GPC2: variants seen among roughly 807,000 people sequenced by gnomAD.
The protein encoded by GPC2 is glypican 2.
A neutral mutation model predicts 57.3 loss-of-function variants in GPC2; 42 were observed. The observed-to-expected ratio is 0.73, with a 90% CI of 0.57 to 0.95. The LOEUF is 0.95. Among genes scored for constraint, GPC2 ranks in the 40% least tolerant of loss-of-function variants. The probability of loss-of-function intolerance (pLI) is 0.00; values close to 1 mark genes in which losing one functional copy is unlikely to be tolerated. For missense variants in GPC2, 745 were observed against 793.6 expected (o/e 0.94, Z 0.74); for synonymous variants, 364 against 343.4 (o/e 1.06, Z -0.66).
At chr7:100,175,939 G>T in intron 2 of GPC2, 45 bp from the exon 3 acceptor site, 3 of 1,526,216 alleles carry the variant, frequency 2.0e-6, no homozygotes, top group Non-Finnish European at 2.7e-6. Flanking sequence ...TCAGGCCAAA[G>T]AATGGGGAGA....
intron 3 of GPC2, 30 bp downstream of exon 3, chr7:100,175,542 G>A (rs1221404956): frequency 6.4e-7 from 1 of 1,563,498 alleles, no homozygotes; most frequent in South Asian, 1.2e-5. Flanking sequence ...GGTCAGAAGT[G>A]GTTGAAGCTC....
Position 100,173,999 on chromosome 7 carries a change from TG to T in GPC2, c.730-3del. 3 of 1,567,440 alleles carry T rather than the reference TG, an allele frequency of 1.9e-6. No individual in the cohort carries two copies. Among genetic ancestry groups the T allele is most frequent in the East Asian group, 2.4e-5 (1 of 42,044 alleles). On this transcript the variant is annotated splice_polypyrimidine_tract_variant and splice_region_variant and intron_variant, in intron 4 of 9. Transcript: ENST00000292377. ...GCTGCAGCCTTCAGACACCGGCACC[TG>T]GGGGCAGAGAGTGGGGCTGTGTCCT...
chr7:100,172,698 CGT>C (rs1394067773), intron 5 of GPC2, among the ~76,000 whole-genome samples: 4 of 95,858 alleles, frequency 4.2e-5, no homozygotes, highest in African/African-American at 1.1e-4. Flanking sequence ...TATATATATA[CGT>C]GTATATATAT....
rs757952562 is a variant in GPC2, at chr7:100,177,107, A to G, written c.93T>C (p.Ser31=). 1.9e-6 allele frequency: 3 copies of G among 1,612,728 alleles called. No homozygotes were observed. In the African/African-American group the frequency reaches 4.0e-5, roughly 22 times the overall value. ...GPGSEAKVTR[S]CAETRQVLGA... ...CCAGCACCTGCCGGGTCTCTGCACA[A>G]CTCCGGGTGACCTTTGCCTCGCTCC... Residue 31 remains serine (S), a synonymous_variant, in exon 1 of 10, where the codon AGT becomes AGC. Coordinates refer to ENST00000292377, the MANE Select transcript of GPC2 (RefSeq NM_152742.3).
chr7:100,176,148 T>G, intron 2 of GPC2, 59 bp downstream of exon 2: 1 of 1,488,306 alleles, frequency 6.7e-7, no homozygotes. Flanking sequence ...GGAGCCTTGC[T>G]GGGGTCCTAA....
rs546873003 is a variant in GPC2 at position 100,172,790 on chromosome 7, T to TACGTATAC, written c.893-574_893-573insGTATACGT. ...ATATATATATGTGTGTGTATATATA[T>TACGTATAC]ACGTATATATATGTGTGTATATATA... On this transcript the variant is annotated intron_variant, in intron 5 of 9. Transcript: ENST00000292377. Among the ~76,000 whole-genome samples the TACGTATAC allele has an allele frequency of 2.5e-3, 370 of 148,574 alleles. 2 individuals carry two copies. The highest frequency in any genetic ancestry group is 8.8e-3 in the African/African-American group (357 of 40,572).
Position 100,173,992 on chromosome 7 carries a change from C to A in GPC2, c.735G>T (p.Pro245=), listed in dbSNP as rs757947539. ...GAGCCTGGCTGCAGCCTTCAGACACCGGCACCTGGGGGCAGAGAGTGGGGC... is the reference window on the plus strand; with the variant it reads ...GAGCCTGGCTGCAGCCTTCAGACACAGGCACCTGGGGGCAGAGAGTGGGGC... The part of the protein sequence containing the change: ...RNVVSEALKV[P]VSEGCSQALM... The change falls in exon 5 of 10, where the codon CCG becomes CCT. Residue 245 remains proline (P), a synonymous_variant. Transcript: ENST00000292377. 2.5e-6 allele frequency: 4 copies of A among 1,571,592 alleles called. No homozygotes were observed. The highest frequency in any genetic ancestry group is 3.4e-6 in the Non-Finnish European group (4 of 1,159,898).
At position 100,176,301 on chromosome 7, in the gene GPC2, C is replaced by T; in HGVS notation, c.231G>A (p.Leu77=). The T allele has an allele frequency of 1.2e-6, 2 of 1,614,118 alleles. No individual in the cohort carries two copies. Among genetic ancestry groups the T allele is most frequent in the Non-Finnish European group, 1.7e-6 (2 of 1,179,966 alleles). The change falls in exon 2 of 10, where the codon CTG becomes CTA. Residue 77 remains leucine, a synonymous_variant. Transcript: ENST00000292377. ...GGAAGGTGGCCTCAGTCTCCCTGAT[C>T]AGCCTCTGCTCTGTCTCACTGGAAC... ...TCCSSETEQR[L]IRETEATFRG...
rs1404588369 is a variant in GPC2, at chr7:100,176,305, C to T, written c.227G>A (p.Arg76Lys). ...GGTGGCCTCAGTCTCCCTGATCAGC[C>T]TCTGCTCTGTCTCACTGGAACAGCA... is the stretch of plus-strand genomic sequence containing the variant. ...YTCCSSETEQ[R>K]LIRETEATFR... Residue 76 changes from arginine (R) to lysine (K), a missense_variant, in exon 2 of 10, where the codon AGG becomes AAG. By Grantham distance (26) the Arg-to-Lys change is conservative. Coordinates refer to ENST00000292377, the MANE Select transcript of GPC2 (RefSeq NM_152742.3). 3 of 1,613,996 alleles carry T rather than the reference C, an allele frequency of 1.9e-6. No homozygotes were observed. In the African/African-American group the frequency reaches 4.0e-5, roughly 22 times the overall value.
Position 100,176,188 on chromosome 7 carries a change from G to C in GPC2, c.325+19C>G. The C allele has an allele frequency of 6.3e-7, 1 of 1,585,312 alleles. No homozygotes were observed. Among genetic ancestry groups the C allele is most frequent in the Non-Finnish European group, 8.6e-7 (1 of 1,164,392 alleles). On this transcript the variant is annotated intron_variant, in intron 2 of 9. Coordinates refer to ENST00000292377, the MANE Select transcript of GPC2 (RefSeq NM_152742.3). ...CGAGAGGAGCTGTGAAGCTGAGTTT[G>C]GGGACCCCAGGTCCTCACCATCAAA...
In GPC2 at chr7:100,174,003, G is replaced by A. The variant is rs975966677; in HGVS notation, c.730-6C>T. On this transcript the variant is annotated splice_polypyrimidine_tract_variant and splice_region_variant and intron_variant, in intron 4 of 9. Coordinates refer to ENST00000292377, the MANE Select transcript of GPC2 (RefSeq NM_152742.3). The stretch of plus-strand genomic sequence containing the variant: ...CAGCCTTCAGACACCGGCACCTGGG[G>A]GCAGAGAGTGGGGCTGTGTCCTCCA... The A allele has an allele frequency of 1.3e-6, 2 of 1,563,958 alleles. No homozygotes were observed. The highest frequency in any genetic ancestry group is 8.7e-7 in the Non-Finnish European group (1 of 1,155,606).
At position 100,174,785 on chromosome 7, in the gene GPC2, G is replaced by C; in HGVS notation, c.649-20C>G. 1 of 1,605,736 alleles carries C rather than the reference G, an allele frequency of 6.2e-7. No individual in the cohort carries two copies. Among genetic ancestry groups the C allele is most frequent in the Non-Finnish European group, 8.5e-7 (1 of 1,173,010 alleles). On this transcript the variant is annotated intron_variant, in intron 3 of 9. Transcript: ENST00000292377. Reference sequence around the variant, plus strand: ...GGTTATCTGGGAGAAGGCAAAGAAGGTGAGAAAAACCACAAGGTTGTTATG... The same window carrying C: ...GGTTATCTGGGAGAAGGCAAAGAAGCTGAGAAAAACCACAAGGTTGTTATG...
intron 1 of GPC2, among the ~76,000 whole-genome samples, chr7:100,176,682 A>G (rs1324296248): frequency 6.6e-6 from 1 of 152,174 alleles, no homozygotes; most frequent in East Asian, 1.9e-4. Flanking sequence ...CTTCTAGGGG[A>G]TGAAGAATGG....
chr7:100,174,796 C>T, intron 3 of GPC2, 31 bp from the exon 4 acceptor site: 1 of 1,569,064 alleles, frequency 6.4e-7, no homozygotes, highest in Non-Finnish European at 8.8e-7. Context: ...TGAGAAAAAC[C>T]ACAAGGTTGT....
rs1799170733 is a variant in GPC2 at position 100,171,246 on chromosome 7, A to C, written c.1486+15T>G. The C allele has an allele frequency of 6.6e-7, 1 of 1,523,512 alleles. No individual in the cohort carries two copies. Among genetic ancestry groups the C allele is most frequent in the Non-Finnish European group, 8.8e-7 (1 of 1,134,452 alleles). 94.4% of individuals were successfully genotyped at this position (1,523,512 alleles called of 1,614,324 possible). On this transcript the variant is annotated intron_variant, in intron 9 of 9. Coordinates refer to ENST00000292377, the MANE Select transcript of GPC2 (RefSeq NM_152742.3). This position sits in a 1 kb window ranked among gnomAD's most constrained non-coding sequence, Gnocchi z 4.8. Reference sequence around the variant, plus strand: ...CAGTGGGCGGGGCTCAGGCTCAGGGATGCAGGGGTCTCACCCGCGTCCTGC... The same window carrying C: ...CAGTGGGCGGGGCTCAGGCTCAGGGCTGCAGGGGTCTCACCCGCGTCCTGC...
chr7:100,171,556 G>T lies in GPC2; in HGVS notation c.1293C>A (p.Thr431=), dbSNP rs930410498. 8.2e-6 allele frequency: 12 copies of T among 1,470,222 alleles called. No homozygotes were observed. Among genetic ancestry groups the T allele is most frequent in the Non-Finnish European group, 1.1e-5 (12 of 1,119,050 alleles). The allele number at this position is 1,470,222 out of a possible 1,614,324, so 91.1% of individuals were successfully genotyped here. ...AGGCTCACCGGCCCCGCCCGGCTCC[G>T]GTCCAGCAGGGCGCCGCCTCCAGCG... The part of the protein sequence containing the change: ...DASLEAAPCW[T]GAGRGRYLPP... The change falls in exon 8 of 10, where the codon ACC becomes ACA. Residue 431 remains threonine, a synonymous_variant. Transcript: ENST00000292377. This position sits in a 1 kb window ranked among gnomAD's most constrained non-coding sequence, Gnocchi z 4.8.
intron 2 of GPC2, 85 bp downstream of exon 2, chr7:100,176,122 G>A (rs1206464065): frequency 8.3e-6 from 11 of 1,322,642 alleles, no homozygotes; most frequent in African/African-American, 3.0e-5. Flanking sequence ...CACAGATGGA[G>A]TAAGGAGTGG....
In GPC2 at chr7:100,171,608, C is replaced by A; in HGVS notation, c.1241G>T (p.Gly414Val). ...FWARLSLTVC[G>V]DSRMAADASL... ...GGCGTCCGCTGCCATGCGAGAGTCTCCGCACACCGTCAGGGACAGCCGGGC... is the reference window on the plus strand; with the variant it reads ...GGCGTCCGCTGCCATGCGAGAGTCTACGCACACCGTCAGGGACAGCCGGGC... The change falls in exon 8 of 10, where the codon GGA becomes GTA. Residue 414 changes from glycine to valine, a missense_variant. By Grantham distance (109) the Gly-to-Val change is moderately radical. Coordinates refer to ENST00000292377, the MANE Select transcript of GPC2 (RefSeq NM_152742.3). The surrounding 1 kb of genome is among the most constrained non-coding windows in gnomAD (Gnocchi z 4.8). 1 of 1,532,994 alleles carries A rather than the reference C, an allele frequency of 6.5e-7. No homozygotes were observed. The allele number at this position is 1,532,994 out of a possible 1,614,324, so 95.0% of individuals were successfully genotyped here.
At chr7:100,176,145 T>A in intron 2 of GPC2, 62 bp downstream of exon 2, 1 of 1,475,278 alleles carries the variant, frequency 6.8e-7, no homozygotes, top group Non-Finnish European at 9.2e-7. Flanking sequence ...ACAGGAGCCT[T>A]GCTGGGGTCC....
Sources: gnomAD v4.1 joint callset for allele counts (sites outside exome capture counted in the v4.1 genomes callset) on GRCh38, gnomAD v4.1.1 for gene constraint, Gnocchi (gnomAD v3.1) non-coding constraint, MANE v1.5 for transcripts, NCBI Gene and HGNC (gene_info 2026-07-23, HGNC 2026-07-21) for gene names.